The following FGF13 variants were observed in gnomAD, a reference collection of about 807,000 sequenced individuals.
The protein encoded by FGF13 is fibroblast growth factor 13.
FGF13 carries 2 observed loss-of-function variants against 19.5 expected under a neutral mutation model. The observed-to-expected ratio is 0.10, with a 90% CI of 0.04 to 0.32. FGF13 has a LOEUF of 0.32. Ranked by LOEUF, FGF13 falls within the 10% of genes least tolerant of loss-of-function variation. FGF13 has a pLI of 1.00. For missense variants in FGF13, 113 were observed against 192.7 expected (o/e 0.59, Z 2.45); for synonymous variants, 72 against 76.9 (o/e 0.94, Z 0.33).
upstream of FGF13, chrX:138,714,795 A>G (rs775830236): frequency 2.0e-4 from 22 of 112,381 alleles, no homozygotes; most frequent in Non-Finnish European, 3.4e-4. Context: ...CCAAAGTCAC[A>G]TCCATCTTGA....
chrX:138,984,580 A>AG (rs1175393196), intron 1 of FGF13, among the ~76,000 whole-genome samples: 1 of 54,860 alleles, frequency 1.8e-5, no homozygotes, highest in African/African-American at 7.1e-5. Context: ...AAGAAGAAGA[A>AG]GAAGAAGAAG....
intron 3 of FGF13, among the ~76,000 whole-genome samples, chrX:138,644,573 C>A (rs971503232): frequency 2.7e-5 from 3 of 111,666 alleles, no homozygotes; most frequent in African/African-American, 9.8e-5. Flanking sequence ...AGCCACCGCA[C>A]CTGGCCAGGA....
chrX:138,951,841 C>A (rs981980350), intron 1 of FGF13, among the ~76,000 whole-genome samples: 4 of 111,517 alleles, frequency 3.6e-5, no homozygotes, highest in African/African-American at 1.3e-4. Flanking sequence ...AAATGGTAAA[C>A]ATACTTTTTC....
chrX:139,170,229 C>T (rs768964904), intron 1 of FGF13, among the ~76,000 whole-genome samples: 23 of 111,861 alleles, frequency 2.1e-4, no homozygotes, highest in Non-Finnish European at 3.9e-4. Flanking sequence ...TGTTTCTTTA[C>T]GTATTTTAGT....
chrX:139,105,725 C>A (rs718398), intron 1 of FGF13, among the ~76,000 whole-genome samples: 28 of 112,223 alleles, frequency 2.5e-4, no homozygotes, highest in South Asian at 1.1e-3. Context: ...TAGTAGATAT[C>A]TAAATGACAT....
At position 138,628,235 on chromosome X, in the gene FGF13, G is replaced by C. The variant is rs913005221; in HGVS notation, c.*4615C>G. 1.8e-5 allele frequency: 2 copies of C among 112,032 alleles called. No homozygotes were observed. The highest frequency in any genetic ancestry group is 6.5e-5 in the African/African-American group (2 of 30,830). The allele number at this position is 112,032 out of a possible 1,213,427, so 9.2% of individuals were successfully genotyped here. On this transcript the variant is annotated 3_prime_UTR_variant, in exon 5 of 5. Transcript: ENST00000315930. ...CCATGAGACCACATCTTTGTGGACA[G>C]AGCAATAAAAGTTATGAAAAGCTGT...
intron 1 of FGF13, among the ~76,000 whole-genome samples, chrX:138,726,357 A>G (rs1022036491): frequency 1.8e-5 from 2 of 112,151 alleles, no homozygotes; most frequent in South Asian, 7.3e-4. Context: ...GTAGCACATT[A>G]GATATGTGAC....
intron 1 of FGF13, among the ~76,000 whole-genome samples, chrX:138,720,199 A>AT (rs912243870): frequency 1.8e-5 from 2 of 112,097 alleles, no homozygotes; most frequent in Non-Finnish European, 3.8e-5. Flanking sequence ...ACGAAACCAA[A>AT]TTTTTTTCTC....
intron 3 of FGF13, among the ~76,000 whole-genome samples, chrX:138,754,892 A>G (rs1029309): frequency 0.025 from 2,759 of 111,164 alleles, 85 homozygotes; most frequent in African/African-American, 0.082. Context: ...GAAAATAAGC[A>G]CGTCCTGTGT....
chrX:138,958,640 C>T (rs2091853378), intron 1 of FGF13, among the ~76,000 whole-genome samples: 1 of 111,785 alleles, frequency 8.9e-6, no homozygotes, highest in Admixed American at 9.5e-5. Flanking sequence ...AGCTGTGAAT[C>T]CGTCTGGTCC....
chrX:138,655,124 T>C (rs964813677), intron 3 of FGF13, among the ~76,000 whole-genome samples: 11 of 111,918 alleles, frequency 9.8e-5, no homozygotes, highest in Non-Finnish European at 1.5e-4. Flanking sequence ...TCCTAGGTTT[T>C]TCTTGTTGTT....
chrX:138,731,989 C>T (rs767964137), intron 1 of FGF13, among the ~76,000 whole-genome samples: 16 of 111,530 alleles, frequency 1.4e-4, no homozygotes, highest in Non-Finnish European at 9.5e-5. Flanking sequence ...TGACAAAGCA[C>T]TCAACATCAT....
intron 2 of FGF13, 83 bp downstream of exon 2, chrX:138,708,735 G>C (rs2090015024): frequency 1.6e-6 from 1 of 623,530 alleles, no homozygotes; most frequent in East Asian, 3.3e-5. Context: ...CAGGATTTAG[G>C]AAAGCGTATT....
At position 139,174,087 on chromosome X, in the gene FGF13, T is replaced by C. The variant is rs761108299; in HGVS notation, c.-113+29329A>G. 2.1e-4 allele frequency among the ~76,000 whole-genome samples: 24 copies of C among 112,247 alleles called. No homozygotes were observed. The East Asian group carries it at 3.1e-3, about 14-fold the overall frequency. ...TGTTGTTTCCTGACTTTTTAATGAT[T>C]GCCATTCTAACTGGCATGAGATGGT... On this transcript the variant is annotated intron_variant, in intron 1 of 2. Transcript: ENST00000421460.
intron 1 of FGF13, among the ~76,000 whole-genome samples, chrX:138,963,606 C>T (rs1034245656): frequency 1.8e-5 from 2 of 112,282 alleles, no homozygotes; most frequent in Non-Finnish European, 1.9e-5. Flanking sequence ...AGAACATAAA[C>T]CAAACACAAT....
Position 138,897,217 on chromosome X carries a change from C to G in FGF13, c.-112-32567G>C, listed in dbSNP as rs1474613279. ...TAGAGATGGGGTTTCGCCATGTTGC[C>G]CAGGCTGGTCTCCAATTCCTGGGCT... On this transcript the variant is annotated intron_variant, in intron 1 of 2. Transcript: ENST00000421460. Among the ~76,000 whole-genome samples the G allele has an allele frequency of 2.7e-5, 3 of 111,536 alleles. No individual in the cohort carries two copies. In the Admixed American group the frequency reaches 2.8e-4, roughly 11 times the overall value.
At chrX:139,053,415 G>GTT (rs199847219) in intron 1 of FGF13, among the ~76,000 whole-genome samples, 234 of 94,274 alleles carry the variant, frequency 2.5e-3, no homozygotes, top group African/African-American at 8.4e-3. Context: ...AGCATCTACT[G>GTT]TTTTTTTTTT....
chrX:138,748,723 T>C (rs1239947165), intron 3 of FGF13, among the ~76,000 whole-genome samples: 1 of 111,357 alleles, frequency 9.0e-6, no homozygotes, highest in Non-Finnish European at 1.9e-5. Flanking sequence ...CTTGGAAAAG[T>C]AACCAAAAAG....
intron 2 of FGF13, among the ~76,000 whole-genome samples, chrX:138,858,572 T>G (rs973263669): frequency 1.8e-5 from 2 of 111,551 alleles, no homozygotes; most frequent in African/African-American, 6.5e-5. Flanking sequence ...ATGAATTGTT[T>G]TCTTTCACAC....
Sources: gnomAD v4.1 joint callset for allele counts (sites outside exome capture counted in the v4.1 genomes callset) on GRCh38, gnomAD v4.1.1 for gene constraint, MANE v1.5 for transcripts, NCBI Gene and HGNC (gene_info 2026-07-23, HGNC 2026-07-21) for gene names.